MACROD2: variants seen among roughly 807,000 people sequenced by gnomAD.
The protein encoded by MACROD2 is mono-ADP ribosylhydrolase 2.
A neutral mutation model predicts 70.4 loss-of-function variants in MACROD2; 36 were observed. That is an observed-to-expected ratio of 0.51 (90% CI 0.39 to 0.68). MACROD2 has a LOEUF of 0.68. Among genes scored for constraint, MACROD2 ranks in the 30% least tolerant of loss-of-function variants. MACROD2 has a pLI of 0.00. For synonymous variants in MACROD2, 172 were observed against 178.8 expected (o/e 0.96, Z 0.30); for missense variants, 496 against 538.4 (o/e 0.92, Z 0.78).
At chr20:15,026,052 G>T (rs1413727762) in intron 5 of MACROD2, among the ~76,000 whole-genome samples, 3 of 152,108 alleles carry the variant, frequency 2.0e-5, no homozygotes, top group Non-Finnish European at 4.4e-5. Flanking sequence ...TTAGTACCTA[G>T]CTGACAAAGA....
intron 3 of MACROD2, among the ~76,000 whole-genome samples, chr20:14,153,895 C>T (rs2148712815): frequency 6.6e-6 from 1 of 152,300 alleles, no homozygotes; most frequent in Non-Finnish European, 1.5e-5. Flanking sequence ...GAAGACTCCT[C>T]TCCCATTTAT....
chr20:14,048,004 A>ATTTT (rs143046922), intron 2 of MACROD2, among the ~76,000 whole-genome samples: 1 of 147,980 alleles, frequency 6.8e-6, no homozygotes, highest in Admixed American at 6.8e-5. Context: ...TTGGCATTTG[A>ATTTT]TTTTTTTTTC....
At chr20:15,547,946 A>G (rs737006) in intron 8 of MACROD2, among the ~76,000 whole-genome samples, 30,242 of 152,124 alleles carry the variant, frequency 0.2, 3,388 homozygotes, top group South Asian at 0.29. Flanking sequence ...GTTTTAGTAC[A>G]AGTACCCTAT....
intron 5 of MACROD2, among the ~76,000 whole-genome samples, chr20:15,024,827 TG>T (rs1409227690): frequency 6.6e-6 from 1 of 152,186 alleles, no homozygotes; most frequent in Non-Finnish European, 1.5e-5. Context: ...GGTATTTTGT[TG>T]AAAAATGATT....
intron 5 of MACROD2, among the ~76,000 whole-genome samples, chr20:14,695,621 C>T (rs1350145000): frequency 3.9e-5 from 6 of 152,188 alleles, no homozygotes; most frequent in Admixed American, 3.9e-4. Context: ...AACTCAGACA[C>T]CTTCTGGAGA....
chr20:15,167,935 C>A (rs966911144), intron 5 of MACROD2, among the ~76,000 whole-genome samples: 1 of 152,118 alleles, frequency 6.6e-6, no homozygotes, highest in African/African-American at 2.4e-5. Flanking sequence ...TAAGCACTGG[C>A]AGAATGTATG....
intron 2 of MACROD2, among the ~76,000 whole-genome samples, chr20:14,049,159 T>G (rs2053521606): frequency 8.9e-6 from 1 of 112,426 alleles, no homozygotes. Context: ...TTGACAGAAC[T>G]AAAAATATAT....
At chr20:15,883,055 CAA>C (rs563354447) in intron 9 of MACROD2, among the ~76,000 whole-genome samples, 1 of 150,034 alleles carries the variant, frequency 6.7e-6, no homozygotes, top group Non-Finnish European at 1.5e-5. Flanking sequence ...ACAAACAAAA[CAA>C]AAAAAACTGC....
rs550296854 is a variant in MACROD2 at position 14,425,183 on chromosome 20, G to T, written c.272-68296G>T. On this transcript the variant is annotated intron_variant, in intron 3 of 17. Coordinates refer to ENST00000684519, the MANE Select transcript of MACROD2 (RefSeq NM_001351661.2). ...TCACCCAGTGTTAGCTTAAGTTTTTGATATTGAGCTTCATGTCTCTGAGTG... is the reference window on the plus strand; with the variant it reads ...TCACCCAGTGTTAGCTTAAGTTTTTTATATTGAGCTTCATGTCTCTGAGTG... Among the ~76,000 whole-genome samples, 14 of 152,160 alleles carry T rather than the reference G, an allele frequency of 9.2e-5. No homozygotes were observed. The South Asian group carries it at 1.0e-3, about 11-fold the overall frequency.
intron 5 of MACROD2, among the ~76,000 whole-genome samples, chr20:15,173,305 AACTC>A (rs1453479961): frequency 4.6e-5 from 7 of 152,172 alleles, no homozygotes; most frequent in African/African-American, 1.7e-4. Context: ...AGAAAGTGAG[AACTC>A]ACTCACTGTA....
intron 13 of MACROD2, among the ~76,000 whole-genome samples, chr20:15,973,587 A>G (rs1234621728): frequency 2.6e-5 from 4 of 152,360 alleles, no homozygotes; most frequent in Non-Finnish European, 4.4e-5. Context: ...GCAGTGTAAC[A>G]AAAGCCTCAT....
rs576041097 is a variant in MACROD2, at chr20:15,222,511, G to A, written c.419-7429G>A. ...AAGATTTACAAATAGTACCTTTAGT[G>A]CTCAGTTTTGTGGTTGTATCTCTAA... is the stretch of plus-strand genomic sequence containing the variant. On this transcript the variant is annotated intron_variant, in intron 5 of 17. Coordinates refer to ENST00000684519, the MANE Select transcript of MACROD2 (RefSeq NM_001351661.2). 6.6e-5 allele frequency among the ~76,000 whole-genome samples: 10 copies of A among 152,268 alleles called. No homozygotes were observed. In the South Asian group the frequency reaches 1.9e-3, roughly 28 times the overall value.
intron 3 of MACROD2, among the ~76,000 whole-genome samples, chr20:14,191,436 C>T (rs751719719): frequency 2.0e-4 from 30 of 152,108 alleles, no homozygotes; most frequent in Middle Eastern, 3.4e-3. Flanking sequence ...GTATATAATC[C>T]GGTCATTCAA....
At chr20:15,671,838 C>T (rs2049983845) in intron 8 of MACROD2, among the ~76,000 whole-genome samples, 1 of 152,228 alleles carries the variant, frequency 6.6e-6, no homozygotes, top group South Asian at 2.1e-4. Flanking sequence ...TGAAAATTTG[C>T]AGCCACTGCT....
chr20:14,059,808 A>AT (rs1223080560), intron 2 of MACROD2, among the ~76,000 whole-genome samples: 3 of 152,206 alleles, frequency 2.0e-5, no homozygotes, highest in Non-Finnish European at 4.4e-5. Context: ...TCAGAATGTG[A>AT]TAAGTGCTAT....
chr20:15,540,415 CAGAAG>C (rs1293213026), intron 8 of MACROD2, among the ~76,000 whole-genome samples: 1 of 152,108 alleles, frequency 6.6e-6, no homozygotes, highest in African/African-American at 2.4e-5. Context: ...GGCAAGGAAT[CAGAAG>C]AGAAGGAAGT....
chr20:14,011,159 G>A, intron 2 of MACROD2, among the ~76,000 whole-genome samples: 1 of 152,148 alleles, frequency 6.6e-6, no homozygotes, highest in Non-Finnish European at 1.5e-5. Flanking sequence ...AACTCATGGG[G>A]TTCTGGGTGG....
At chr20:14,442,529 A>C (rs562932156) in intron 3 of MACROD2, among the ~76,000 whole-genome samples, 22 of 152,252 alleles carry the variant, frequency 1.4e-4, no homozygotes, top group Middle Eastern at 3.4e-3. Flanking sequence ...GGAATAATAC[A>C]AACTTCTTTC....
intron 2 of MACROD2, among the ~76,000 whole-genome samples, chr20:14,052,550 G>A (rs989890833): frequency 4.6e-5 from 7 of 152,032 alleles, no homozygotes; most frequent in African/African-American, 1.2e-4. Context: ...AATGCTGTGC[G>A]TTTTAATTAA....
Sources: gnomAD v4.1 joint callset for allele counts (sites outside exome capture counted in the v4.1 genomes callset) on GRCh38, gnomAD v4.1.1 for gene constraint, MANE v1.5 for transcripts, NCBI Gene and HGNC (gene_info 2026-07-23, HGNC 2026-07-21) for gene names.